IQSEC1: variants seen among roughly 807,000 people sequenced by gnomAD.
The protein encoded by IQSEC1 is IQ motif and Sec7 domain ArfGEF 1, also known as IQ motif and SEC7 domain-containing protein 1.
IQSEC1 carries 31 observed loss-of-function variants against 91.0 expected under a neutral mutation model. The observed-to-expected ratio is 0.34, with a 90% CI of 0.26 to 0.46. The LOEUF (loss-of-function observed/expected upper bound fraction) is 0.46, where lower values mean the gene tolerates loss of function less well. IQSEC1 is among the 20% of genes least tolerant of loss of function. The probability of loss-of-function intolerance (pLI) is 1.00; values close to 1 mark genes in which losing one functional copy is unlikely to be tolerated. For missense variants in IQSEC1, 1,388 were observed against 1,575.6 expected (o/e 0.88, Z 2.02); for synonymous variants, 699 against 662.6 (o/e 1.05, Z -0.84).
chr3:13,061,980 G>C (rs941100954), intron 1 of IQSEC1, among the ~76,000 whole-genome samples: 2 of 152,190 alleles, frequency 1.3e-5, no homozygotes, highest in Admixed American at 1.3e-4. Context: ...CTGACCAGGG[G>C]GACTGAGGCT....
intron 1 of IQSEC1, among the ~76,000 whole-genome samples, chr3:13,204,738 T>C (rs926259080): frequency 6.6e-6 from 1 of 151,264 alleles, no homozygotes; most frequent in Non-Finnish European, 1.5e-5. Flanking sequence ...TCTTTCTATC[T>C]TACTTTCTTT....
intron 3 of IQSEC1, among the ~76,000 whole-genome samples, chr3:12,928,992 A>G (rs1219015770): frequency 6.6e-6 from 1 of 152,140 alleles, no homozygotes; most frequent in Non-Finnish European, 1.5e-5. Context: ...TATGGTCCCC[A>G]TCGTCAAAAA....
intron 2 of IQSEC1, among the ~76,000 whole-genome samples, chr3:13,099,573 G>A (rs1245676172): frequency 1.3e-5 from 2 of 152,120 alleles, no homozygotes; most frequent in African/African-American, 2.4e-5. Flanking sequence ...CCATGGAAAC[G>A]CAAGCCAGAG....
rs1191833492 is a variant in IQSEC1, at chr3:13,154,457, A to C, written c.302+9647T>G. Among the ~76,000 whole-genome samples, 66 of 113,116 alleles carry C rather than the reference A, an allele frequency of 5.8e-4. 10 individuals carry two copies. Among genetic ancestry groups the C allele is most frequent in the African/African-American group, 2.2e-3 (65 of 30,228 alleles). 74.2% of individuals were successfully genotyped at this position (113,116 alleles called of 152,430 possible). A position where few individuals can be genotyped will look rare whatever the true frequency, so the allele number is the denominator to read the frequency against. On this transcript the variant is annotated intron_variant, in intron 2 of 15. Transcript: ENST00000648114. Reference sequence around the variant, plus strand: ...TACATGCATATATATATATATATATATATATATATATATATATATGCAAAA... The same window carrying C: ...TACATGCATATATATATATATATATCTATATATATATATATATATGCAAAA...
rs1446415946 is a variant in IQSEC1, at chr3:12,983,390, C to T, written c.24-41525G>A. Among the ~76,000 whole-genome samples, 1 of 152,194 alleles carries T rather than the reference C, an allele frequency of 6.6e-6. No individual in the cohort carries two copies. The highest frequency in any genetic ancestry group is 1.5e-5 in the Non-Finnish European group (1 of 68,018). On this transcript the variant is annotated intron_variant, in intron 1 of 13. Coordinates refer to ENST00000613206, the MANE Select transcript of IQSEC1 (RefSeq NM_001134382.3). The surrounding 1 kb of genome is among the most constrained non-coding windows in gnomAD (Gnocchi z 4.3). ...TGCTGGCTTGGGGGCGGGTGAGGAG[C>T]AGGAGGAAGCATGGCTCACTCCTGG...
intron 1 of IQSEC1, among the ~76,000 whole-genome samples, chr3:13,058,433 C>T (rs947875177): frequency 6.6e-6 from 1 of 152,248 alleles, no homozygotes; most frequent in African/African-American, 2.4e-5. Flanking sequence ...TATATGACCT[C>T]TGTCCTTCCA....
intron 2 of IQSEC1, among the ~76,000 whole-genome samples, chr3:13,130,551 G>T (rs755212555): frequency 2.0e-5 from 3 of 152,106 alleles, no homozygotes; most frequent in Non-Finnish European, 4.4e-5. Flanking sequence ...TTGTTAGGTA[G>T]AGTGTTAATC....
chr3:13,168,613 A>G (rs145866867), intron 1 of IQSEC1, among the ~76,000 whole-genome samples: 30 of 152,240 alleles, frequency 2.0e-4, no homozygotes, highest in Middle Eastern at 6.8e-3. Context: ...CCACCTTCTT[A>G]GGGTTCCAGT....
At chr3:13,041,978 G>A (rs1018075718) in intron 1 of IQSEC1, among the ~76,000 whole-genome samples, 9 of 152,108 alleles carry the variant, frequency 5.9e-5, no homozygotes, top group Admixed American at 2.0e-4. Context: ...ACCCCGGGCC[G>A]GTGCAGCTTC....
Position 12,913,485 on chromosome 3 carries a change from C to T in IQSEC1, c.2259G>A (p.Lys753=). The T allele has an allele frequency of 6.2e-7, 1 of 1,608,234 alleles. No individual in the cohort carries two copies. Among genetic ancestry groups the T allele is most frequent in the Non-Finnish European group, 8.5e-7 (1 of 1,176,390 alleles). Residue 753 remains lysine, a synonymous_variant, in exon 9 of 14, where the codon AAG becomes AAA. Coordinates refer to ENST00000613206, the MANE Select transcript of IQSEC1 (RefSeq NM_001134382.3). ...GCTGGTGTAGTCCGAGTTTCTGGGGCTTGTTTGGGTCTGGAACCTCAAAGA... is the reference window on the plus strand; with the variant it reads ...GCTGGTGTAGTCCGAGTTTCTGGGGTTTGTTTGGGTCTGGAACCTCAAAGA... The part of the protein sequence containing the change: ...CRLFEVPDPN[K]PQKLGLHQRE...
At chr3:13,254,984 G>T (rs1341948041) in intron 1 of IQSEC1, among the ~76,000 whole-genome samples, 4 of 152,160 alleles carry the variant, frequency 2.6e-5, no homozygotes, top group Non-Finnish European at 5.9e-5. Context: ...CATCCACACA[G>T]CCCTCCCCCA....
chr3:13,203,962 G>A (rs907291712), intron 1 of IQSEC1, among the ~76,000 whole-genome samples: 7 of 152,238 alleles, frequency 4.6e-5, no homozygotes, highest in Non-Finnish European at 7.3e-5. Context: ...TCCTGCCCTA[G>A]GCCCCTGGCC....
intron 1 of IQSEC1, among the ~76,000 whole-genome samples, chr3:13,253,832 T>A (rs1316573220): frequency 2.0e-5 from 3 of 152,206 alleles, no homozygotes; most frequent in Non-Finnish European, 4.4e-5. Context: ...CTTTTCCAAG[T>A]GCCTCGGTGG....
intron 1 of IQSEC1, among the ~76,000 whole-genome samples, chr3:13,216,979 G>A (rs1488180965): frequency 6.6e-6 from 1 of 152,152 alleles, no homozygotes; most frequent in East Asian, 1.9e-4. Flanking sequence ...AAACTTAGCT[G>A]ATGACAGGAG....
intron 1 of IQSEC1, among the ~76,000 whole-genome samples, chr3:13,251,132 C>G (rs1389976188): frequency 6.6e-6 from 1 of 152,224 alleles, no homozygotes; most frequent in Non-Finnish European, 1.5e-5. Flanking sequence ...GCCTCTGGGC[C>G]TTTGCACTGG....
chr3:13,038,926 A>C (rs1704148077), intron 1 of IQSEC1, among the ~76,000 whole-genome samples: 1 of 150,092 alleles, frequency 6.7e-6, no homozygotes, highest in African/African-American at 2.5e-5. Flanking sequence ...GTGCATGGGA[A>C]ATCTACACAC....
chr3:13,264,362 G>C (rs1266814243), intron 1 of IQSEC1, among the ~76,000 whole-genome samples: 7 of 152,194 alleles, frequency 4.6e-5, no homozygotes, highest in Non-Finnish European at 1.0e-4. Flanking sequence ...GGGCTCTAAG[G>C]ACAGCAGGGG....
In IQSEC1 at chr3:12,900,895, C is replaced by T. The variant is rs748186369; in HGVS notation, c.*88G>A. 60 of 1,535,348 alleles carry T rather than the reference C, an allele frequency of 3.9e-5. No individual in the cohort carries two copies. In the Middle Eastern group the frequency reaches 1.2e-3, roughly 30 times the overall value. On this transcript the variant is annotated 3_prime_UTR_variant, in exon 14 of 14. Transcript: ENST00000613206. ...GGGAGAGATGGCAACAGAAGTGCCC[C>T]GGGTTTGGTGTGCGGCTGGCGACCC...
At chr3:13,059,240 G>A (rs950329860) in intron 1 of IQSEC1, among the ~76,000 whole-genome samples, 7 of 152,100 alleles carry the variant, frequency 4.6e-5, no homozygotes, top group African/African-American at 1.4e-4. Flanking sequence ...CGGCAATGGC[G>A]CTGCCACCCA....
Sources: allele counts gnomAD v4.1 joint callset (sites outside exome capture counted in the v4.1 genomes callset), GRCh38; gene constraint gnomAD v4.1.1; non-coding constraint Gnocchi (gnomAD v3.1); transcripts MANE v1.5; gene names NCBI Gene and HGNC (gene_info 2026-07-23, HGNC 2026-07-21).